Variants in HHIP observed in about 807,000 individuals in gnomAD.
HHIP encodes hedgehog-interacting protein.
Under a neutral mutation model 74.0 loss-of-function variants are expected in HHIP, and 12 were observed. The observed-to-expected ratio is 0.16, with a 90% CI of 0.10 to 0.26. The LOEUF is 0.26. Ranked by LOEUF, HHIP falls within the 10% of genes least tolerant of loss-of-function variation. The pLI is 1.00. For synonymous variants in HHIP, 309 were observed against 311.6 expected, an observed-to-expected ratio of 0.99 and a Z score of 0.09; for missense variants, 788 against 845.0, an observed-to-expected ratio of 0.93 and a Z score of 0.84.
chr4:144,707,577 G>A (rs1290275699), intron 6 of HHIP, among the ~76,000 whole-genome samples: 7 of 135,684 alleles, frequency 5.2e-5, no homozygotes, highest in Admixed American at 1.7e-4. Flanking sequence ...GGCTAACACC[G>A]CCCAGCGAAC....
At position 144,717,735 on chromosome 4, in the gene HHIP, G is replaced by GTC. The variant is rs546804167; in HGVS notation, c.1679-1126_1679-1125dup. On this transcript the variant is annotated intron_variant, in intron 10 of 12. Coordinates refer to ENST00000296575, the MANE Select transcript of HHIP (RefSeq NM_022475.3). ...TAGAGAGTTGAGACTGAGCATCAAG[G>GTC]TCTCTCTCTCTCTCTTTCTCTCTCT... is the stretch of plus-strand genomic sequence containing the variant. Among the ~76,000 whole-genome samples the GTC allele has an allele frequency of 1.6e-3, 243 of 151,122 alleles. 2 individuals carry two copies. The highest frequency in any genetic ancestry group is 5.5e-3 in the African/African-American group (227 of 41,250).
chr4:144,728,615 T>C (rs1047932390), intron 11 of HHIP, among the ~76,000 whole-genome samples: 3 of 152,174 alleles, frequency 2.0e-5, no homozygotes, highest in African/African-American at 7.2e-5. Context: ...AGCCTACATA[T>C]GCTATAATGT....
chr4:144,739,220 G>T lies in HHIP; in HGVS notation c.*1263G>T, dbSNP rs547156049. ...GGGTTTTACAGAGATGACATGTTCT[G>T]ACTTAAAACTGCAAAAAGTCTAGTA... On this transcript the variant is annotated 3_prime_UTR_variant, in exon 13 of 13. Transcript: ENST00000296575. 1 of 152,302 alleles carries T rather than the reference G, an allele frequency of 6.6e-6. No homozygotes were observed. The highest frequency in any genetic ancestry group is 1.5e-5 in the Non-Finnish European group (1 of 68,026). 9.4% of individuals were successfully genotyped at this position (152,302 alleles called of 1,614,324 possible).
intron 4 of HHIP, among the ~76,000 whole-genome samples, chr4:144,669,909 A>G (rs6537305): frequency 0.36 from 54,289 of 150,016 alleles, 11,126 homozygotes; most frequent in South Asian, 0.52. Flanking sequence ...CACTTTGGGA[A>G]GCCAAGCGGA....
intron 11 of HHIP, among the ~76,000 whole-genome samples, chr4:144,720,182 T>G (rs990485022): frequency 6.6e-6 from 1 of 152,192 alleles, no homozygotes; most frequent in African/African-American, 2.4e-5. Context: ...AGTGTGAAAT[T>G]AATGACCTCC....
intron 4 of HHIP, among the ~76,000 whole-genome samples, chr4:144,705,731 C>T (rs907895721): frequency 6.6e-6 from 1 of 152,174 alleles, no homozygotes; most frequent in Non-Finnish European, 1.5e-5. Context: ...ATTGTTATAG[C>T]ATTTGGCATG....
chr4:144,707,646 C>CAAAAAAAAAAACAA (rs1553942146), intron 6 of HHIP, among the ~76,000 whole-genome samples: 2 of 57,166 alleles, frequency 3.5e-5, no homozygotes, highest in South Asian at 1.0e-3. Flanking sequence ...AGAACAGAGG[C>CAAAAAAAAAAACAA]AAAAAAAAAA....
intron 4 of HHIP, among the ~76,000 whole-genome samples, chr4:144,663,571 C>T (rs192094643): frequency 3.9e-5 from 6 of 152,258 alleles, no homozygotes; most frequent in African/African-American, 1.2e-4. Context: ...TTCTAATTTA[C>T]TTAGTTTATA....
At chr4:144,735,413 T>C (rs1002286253) in intron 12 of HHIP, among the ~76,000 whole-genome samples, 1 of 152,180 alleles carries the variant, frequency 6.6e-6, no homozygotes, top group Non-Finnish European at 1.5e-5. Context: ...TTCATGCTTT[T>C]TGCCACTCCC....
intron 12 of HHIP, 49 bp from the exon 13 acceptor site, chr4:144,737,713 TTC>T (rs762772122): frequency 6.7e-7 from 1 of 1,488,970 alleles, no homozygotes; most frequent in Admixed American, 2.0e-5. Flanking sequence ...TCAGTCCTGT[TTC>T]TGACATACAG....
chr4:144,722,090 A>AGTCTCTAGTACT (rs1205282254), intron 11 of HHIP, among the ~76,000 whole-genome samples: 1 of 152,176 alleles, frequency 6.6e-6, no homozygotes, highest in East Asian at 1.9e-4. Context: ...GATCCAAAAA[A>AGTCTCTAGTACT]GTCTCTAGTA....
chr4:144,731,883 A>G (rs1255572329), intron 11 of HHIP, among the ~76,000 whole-genome samples: 1 of 152,180 alleles, frequency 6.6e-6, no homozygotes, highest in African/African-American at 2.4e-5. Context: ...ATGATACTTC[A>G]TGTGTGCCTG....
Position 144,658,964 on chromosome 4 carries a change from C to T in HHIP, c.629+18C>T, listed in dbSNP as rs1728627162. The T allele has an allele frequency of 1.3e-6, 2 of 1,563,218 alleles. No individual in the cohort carries two copies. The stretch of plus-strand genomic sequence containing the variant: ...ATCAGCAGGTTCATAAAGATAAATG[C>T]TCTTTAATCTTTTTAAAAAAACCCA... On this transcript the variant is annotated intron_variant, in intron 3 of 12. Coordinates refer to ENST00000296575, the MANE Select transcript of HHIP (RefSeq NM_022475.3).
chr4:144,740,472 A>G lies in HHIP; in HGVS notation c.*2515A>G, dbSNP rs1402335647. 1 of 152,192 alleles carries G rather than the reference A, an allele frequency of 6.6e-6. No individual in the cohort carries two copies. The highest frequency in any genetic ancestry group is 1.5e-5 in the Non-Finnish European group (1 of 68,026). 9.4% of individuals were successfully genotyped at this position (152,192 alleles called of 1,614,324 possible). On this transcript the variant is annotated 3_prime_UTR_variant, in exon 13 of 13. Coordinates refer to ENST00000296575, the MANE Select transcript of HHIP (RefSeq NM_022475.3). ...AAGATAGCAAGATCCACGGATATTAAGCCAAGCAAAGAAAGTAAAATCATT... is the reference window on the plus strand; with the variant it reads ...AAGATAGCAAGATCCACGGATATTAGGCCAAGCAAAGAAAGTAAAATCATT...
chr4:144,712,393 GCAGCTTGTCTTAA>G (rs904205773), intron 8 of HHIP, among the ~76,000 whole-genome samples: 4 of 152,288 alleles, frequency 2.6e-5, no homozygotes, highest in African/African-American at 7.2e-5. Flanking sequence ...GTAGGGGAGA[GCAGCTTGTCTTAA>G]CATCTTATAT....
rs1730954541 is a variant in HHIP at position 144,731,533 on chromosome 4, C to A, written c.1761-3208C>A. Among the ~76,000 whole-genome samples the A allele has an allele frequency of 2.0e-5, 3 of 152,130 alleles. No homozygotes were observed. The South Asian group carries it at 6.2e-4, about 32-fold the overall frequency. Reference sequence around the variant, plus strand: ...CTCCTGGGTTCCAGCAATTCTCCTGCCTCAGCCTCCTGAGTAGCTGGGATT... The same window carrying A: ...CTCCTGGGTTCCAGCAATTCTCCTGACTCAGCCTCCTGAGTAGCTGGGATT... On this transcript the variant is annotated intron_variant, in intron 11 of 12. Transcript: ENST00000296575.
intron 4 of HHIP, among the ~76,000 whole-genome samples, chr4:144,687,224 G>A (rs1411660531): frequency 1.3e-5 from 2 of 152,154 alleles, no homozygotes; most frequent in East Asian, 3.8e-4. Flanking sequence ...CTCTTCATGT[G>A]TTTTGTGCAG....
intron 1 of HHIP, chr4:144,647,245 A>C: frequency 2.8e-6 from 1 of 352,642 alleles, no homozygotes; most frequent in Non-Finnish European, 5.1e-6. Flanking sequence ...TTTTAAAAGA[A>C]TCGCGATGAA....
At chr4:144,678,974 G>T (rs1274184226) in intron 4 of HHIP, among the ~76,000 whole-genome samples, 1 of 152,122 alleles carries the variant, frequency 6.6e-6, no homozygotes, top group Non-Finnish European at 1.5e-5. Context: ...CACAATGGTT[G>T]AACTAATTTA....
Sources: gnomAD v4.1 joint callset for allele counts (sites outside exome capture counted in the v4.1 genomes callset) on GRCh38, gnomAD v4.1.1 for gene constraint, MANE v1.5 for transcripts, NCBI Gene and HGNC (gene_info 2026-07-23, HGNC 2026-07-21) for gene names.